RAB3C: variants seen among roughly 807,000 people sequenced by gnomAD.
RAB3C encodes the protein ras-related protein Rab-3C.
In RAB3C, 17 loss-of-function variants were observed where a neutral mutation model predicts 26.4. The observed-to-expected ratio is 0.64, with a 90% confidence interval of 0.44 to 0.97. The LOEUF is 0.97. Ranked by LOEUF, RAB3C falls within the 50% of genes least tolerant of loss-of-function variation. The pLI is 0.00. For synonymous variants in RAB3C, 91 were observed against 95.9 expected (o/e 0.95, Z 0.30); for missense variants, 242 against 281.9 (o/e 0.86, Z 1.01).
chr5:58,767,374 C>A (rs1414298256), intron 3 of RAB3C, among the ~76,000 whole-genome samples: 1 of 152,166 alleles, frequency 6.6e-6, no homozygotes, highest in Admixed American at 6.5e-5. Flanking sequence ...CCACCAGATT[C>A]TTAGCTTTAT....
intron 3 of RAB3C, among the ~76,000 whole-genome samples, chr5:58,803,033 A>T (rs1029381892): frequency 2.0e-5 from 3 of 152,218 alleles, no homozygotes; most frequent in Admixed American, 2.0e-4. Context: ...CAAAGGTAGT[A>T]CCCATCTATT....
At chr5:58,602,139 C>T (rs1746472287) in intron 1 of RAB3C, among the ~76,000 whole-genome samples, 1 of 152,034 alleles carries the variant, frequency 6.6e-6, no homozygotes, top group African/African-American at 2.4e-5. Flanking sequence ...CATTTAACTT[C>T]CATGTATTTG....
intron 1 of RAB3C, among the ~76,000 whole-genome samples, chr5:58,602,997 G>A (rs569152573): frequency 2.1e-4 from 32 of 152,260 alleles, no homozygotes; most frequent in African/African-American, 7.5e-4. Flanking sequence ...AGTTCTTGTA[G>A]TGATGGCTTG....
At chr5:58,700,439 A>G (rs972681351) in intron 2 of RAB3C, among the ~76,000 whole-genome samples, 1 of 152,232 alleles carries the variant, frequency 6.6e-6, no homozygotes, top group African/African-American at 2.4e-5. Flanking sequence ...TTTGAATTCT[A>G]TTCAAATACT....
At chr5:58,617,462 A>G (rs375356822) in intron 1 of RAB3C, 181 bp from the exon 2 acceptor site, 3 of 768,278 alleles carry the variant, frequency 3.9e-6, no homozygotes, top group African/African-American at 3.4e-5. Flanking sequence ...GTCTTCCAGC[A>G]GGGAATTATT....
At chr5:58,785,860 A>G (rs975497716) in intron 3 of RAB3C, among the ~76,000 whole-genome samples, 1 of 152,258 alleles carries the variant, frequency 6.6e-6, no homozygotes, top group Non-Finnish European at 1.5e-5. Flanking sequence ...AGGGGAAATG[A>G]TGTAGAATAA....
chr5:58,640,414 A>C (rs1747391040), intron 2 of RAB3C, among the ~76,000 whole-genome samples: 1 of 152,172 alleles, frequency 6.6e-6, no homozygotes, highest in Non-Finnish European at 1.5e-5. Flanking sequence ...GGAATGAGGA[A>C]GGGAAGATTG....
At position 58,857,360 on chromosome 5, in the gene RAB3C, G is replaced by A. The variant is rs1217246459; in HGVS notation, c.*6009G>A. The A allele has an allele frequency of 6.6e-6, 1 of 152,044 alleles. No homozygotes were observed. Among genetic ancestry groups the A allele is most frequent in the East Asian group, 1.9e-4 (1 of 5,192 alleles). The allele number at this position is 152,044 out of a possible 1,614,324, so 9.4% of individuals were successfully genotyped here. A position where few individuals can be genotyped will look rare whatever the true frequency, so the allele number is the denominator to read the frequency against. ...TGTCAATTTTATCTCTTAGAATTGT[G>A]GATTTTATTGTCAAGACAGAATGGC... is the stretch of plus-strand genomic sequence containing the variant. On this transcript the variant is annotated 3_prime_UTR_variant, in exon 5 of 5. Transcript: ENST00000282878.
intron 2 of RAB3C, among the ~76,000 whole-genome samples, chr5:58,620,389 G>T (rs776391735): frequency 6.6e-6 from 1 of 152,094 alleles, no homozygotes; most frequent in Non-Finnish European, 1.5e-5. Context: ...TACTATTGTG[G>T]TCTGTTAGAT....
chr5:58,754,183 A>G (rs968688103), intron 3 of RAB3C, among the ~76,000 whole-genome samples: 3 of 152,194 alleles, frequency 2.0e-5, no homozygotes, highest in Non-Finnish European at 4.4e-5. Context: ...AGTGAACTGT[A>G]TAATTCACTG....
intron 2 of RAB3C, among the ~76,000 whole-genome samples, chr5:58,716,145 A>G (rs1201067431): frequency 1.3e-5 from 2 of 151,940 alleles, no homozygotes; most frequent in Non-Finnish European, 2.9e-5. Flanking sequence ...TTTAGAATAG[A>G]CAAGTAAGAT....
At chr5:58,800,105 G>A (rs1284654220) in intron 3 of RAB3C, among the ~76,000 whole-genome samples, 3 of 152,174 alleles carry the variant, frequency 2.0e-5, no homozygotes, top group Non-Finnish European at 4.4e-5. Context: ...ACTTCCCAGT[G>A]AGTGGTGTTT....
In RAB3C at chr5:58,690,197, T is replaced by C. The variant is rs769440951; in HGVS notation, c.253-35805T>C. 5.3e-5 allele frequency among the ~76,000 whole-genome samples: 8 copies of C among 152,298 alleles called. No individual in the cohort carries two copies. In the South Asian group the frequency reaches 1.5e-3, roughly 28 times the overall value. The stretch of plus-strand genomic sequence containing the variant: ...AATAGGTACTTCTAGTTAAGAATTC[T>C]ATAGCCATTTGAGATGGTCTTAATG... On this transcript the variant is annotated intron_variant, in intron 2 of 4. Coordinates refer to ENST00000282878, the MANE Select transcript of RAB3C (RefSeq NM_138453.4).
intron 3 of RAB3C, among the ~76,000 whole-genome samples, chr5:58,775,899 C>G (rs1742121711): frequency 6.6e-6 from 1 of 152,114 alleles, no homozygotes; most frequent in African/African-American, 2.4e-5. Context: ...GCCTTACACT[C>G]CTGCAGGCAA....
intron 4 of RAB3C, among the ~76,000 whole-genome samples, chr5:58,844,720 C>T (rs1743950837): frequency 6.6e-6 from 1 of 152,114 alleles, no homozygotes; most frequent in Admixed American, 6.5e-5. Context: ...GGAATAGAAA[C>T]TTAAGAACAA....
intron 1 of RAB3C, among the ~76,000 whole-genome samples, chr5:58,597,424 A>G (rs1746339019): frequency 1.8e-5 from 2 of 112,918 alleles, no homozygotes; most frequent in South Asian, 6.3e-4. Context: ...ATAACAATAC[A>G]TAGTACATTA....
chr5:58,750,832 T>G (rs1403902090), intron 3 of RAB3C, among the ~76,000 whole-genome samples: 1 of 152,022 alleles, frequency 6.6e-6, no homozygotes, highest in African/African-American at 2.4e-5. Context: ...CCTTCCTTCC[T>G]CCCTCCCTCA....
chr5:58,785,585 C>T (rs573216136), intron 3 of RAB3C, among the ~76,000 whole-genome samples: 1 of 152,208 alleles, frequency 6.6e-6, no homozygotes, highest in East Asian at 1.9e-4. Flanking sequence ...ACTCACATTT[C>T]TAACAAGATC....
intron 4 of RAB3C, among the ~76,000 whole-genome samples, chr5:58,833,202 A>T (rs1415523188): frequency 1.3e-5 from 2 of 152,098 alleles, no homozygotes; most frequent in African/African-American, 4.8e-5. Flanking sequence ...GGAAGCAGAG[A>T]TTCCAATAAG....
Sources: gnomAD v4.1 joint callset for allele counts (sites outside exome capture counted in the v4.1 genomes callset) on GRCh38, gnomAD v4.1.1 for gene constraint, MANE v1.5 for transcripts, NCBI Gene and HGNC (gene_info 2026-07-23, HGNC 2026-07-21) for gene names.